Variants in RBFOX1 observed in about 807,000 individuals in gnomAD.
RBFOX1 encodes RNA binding protein fox-1 homolog 1.
Under a neutral mutation model 57.7 loss-of-function variants are expected in RBFOX1, and 8 were observed. That is an observed-to-expected ratio of 0.14 (90% CI 0.08 to 0.25). The LOEUF (loss-of-function observed/expected upper bound fraction) is 0.25. RBFOX1 is among the 10% of genes least tolerant of loss of function. The pLI, the probability that RBFOX1 is intolerant of heterozygous loss-of-function variation, is 1.00. For synonymous variants in RBFOX1, 326 were observed against 222.4 expected (o/e 1.47, Z -4.15); for missense variants, 611 against 548.5 (o/e 1.11, Z -1.14).
intron 4 of RBFOX1, among the ~76,000 whole-genome samples, chr16:7,427,654 AT>A (rs1028298414): frequency 7.3e-6 from 1 of 137,592 alleles, no homozygotes; most frequent in Non-Finnish European, 1.6e-5. Flanking sequence ...TTATTTATTT[AT>A]TTTTTTTGAG....
intron 3 of RBFOX1, among the ~76,000 whole-genome samples, chr16:6,791,681 C>T (rs2082978933): frequency 6.6e-6 from 1 of 152,080 alleles, no homozygotes; most frequent in Non-Finnish European, 1.5e-5. Context: ...ATTGCTTGAA[C>T]CTGGGAGGCA....
intron 4 of RBFOX1, among the ~76,000 whole-genome samples, chr16:7,110,474 C>A (rs548909434): frequency 6.6e-6 from 1 of 152,148 alleles, no homozygotes; most frequent in South Asian, 2.1e-4. Context: ...CCAATTAACA[C>A]AGGGCTCCGG....
chr16:6,847,374 T>G (rs1268181438), intron 3 of RBFOX1, among the ~76,000 whole-genome samples: 1 of 152,152 alleles, frequency 6.6e-6, no homozygotes, highest in Non-Finnish European at 1.5e-5. Flanking sequence ...CAATCTGCCC[T>G]ATGTGTGCAC....
chr16:6,226,029 G>A (rs573761181), intron 1 of RBFOX1, among the ~76,000 whole-genome samples: 1 of 152,030 alleles, frequency 6.6e-6, no homozygotes, highest in Non-Finnish European at 1.5e-5. Context: ...CATTCCTGCA[G>A]TTCCTTTCCA....
At chr16:6,907,143 C>T (rs1484767199) in intron 3 of RBFOX1, among the ~76,000 whole-genome samples, 1 of 152,192 alleles carries the variant, frequency 6.6e-6, no homozygotes, top group Non-Finnish European at 1.5e-5. Flanking sequence ...TATCTGTAGA[C>T]ATTTCTGTGT....
intron 5 of RBFOX1, among the ~76,000 whole-genome samples, chr16:7,571,923 G>A (rs552901320): frequency 8.5e-5 from 13 of 152,308 alleles, no homozygotes; most frequent in African/African-American, 2.9e-4. Flanking sequence ...GAGGTCAGGA[G>A]TTTGAGACCA....
chr16:5,453,041 A>G (rs2068476220), intron 1 of RBFOX1, among the ~76,000 whole-genome samples: 1 of 152,026 alleles, frequency 6.6e-6, no homozygotes, highest in Admixed American at 6.6e-5. Flanking sequence ...GACTCTGTTT[A>G]CCTCTCTTAC....
chr16:5,716,851 A>G (rs1050207722), intron 3 of RBFOX1, among the ~76,000 whole-genome samples: 1 of 152,228 alleles, frequency 6.6e-6, no homozygotes, highest in Non-Finnish European at 1.5e-5. Flanking sequence ...CAGATTTTGG[A>G]TGCAAACCCA....
intron 3 of RBFOX1, among the ~76,000 whole-genome samples, chr16:5,712,589 C>G (rs2215247): frequency 0.71 from 108,463 of 152,038 alleles, 39,658 homozygotes; most frequent in Non-Finnish European, 0.81. Flanking sequence ...CACTTAATTC[C>G]CATAACAGGT....
chr16:6,218,773 G>A (rs550622279), intron 1 of RBFOX1, among the ~76,000 whole-genome samples: 11 of 151,598 alleles, frequency 7.3e-5, no homozygotes, highest in East Asian at 3.9e-4. Flanking sequence ...TCCTTCTTCA[G>A]ATATTTTATC....
At chr16:6,715,402 A>G (rs1473401067) in intron 3 of RBFOX1, among the ~76,000 whole-genome samples, 1 of 152,182 alleles carries the variant, frequency 6.6e-6, no homozygotes, top group African/African-American at 2.4e-5. Context: ...TGCATTATAA[A>G]TATGTGATGC....
At chr16:7,558,442 A>T (rs1450818910) in intron 5 of RBFOX1, among the ~76,000 whole-genome samples, 1 of 152,144 alleles carries the variant, frequency 6.6e-6, no homozygotes, top group Non-Finnish European at 1.5e-5. Context: ...CTGTATGTAT[A>T]TATCAATATG....
At chr16:7,262,470 A>G (rs72481062) in intron 4 of RBFOX1, among the ~76,000 whole-genome samples, 5,567 of 152,330 alleles carry the variant, frequency 0.037, 172 homozygotes, top group East Asian at 0.13. Context: ...ATAGATGTGG[A>G]TCTATGTATT....
intron 1 of RBFOX1, among the ~76,000 whole-genome samples, chr16:5,336,915 G>A (rs1443046160): frequency 6.6e-6 from 1 of 152,192 alleles, no homozygotes; most frequent in Non-Finnish European, 1.5e-5. Context: ...GGACACAAGA[G>A]CTACCTTCTA....
chr16:6,466,708 C>G (rs756514370), intron 2 of RBFOX1, among the ~76,000 whole-genome samples: 1 of 152,096 alleles, frequency 6.6e-6, no homozygotes, highest in Non-Finnish European at 1.5e-5. Context: ...AATCATGTTT[C>G]TAAGGTATTT....
chr16:7,416,237 T>G (rs940291891), intron 4 of RBFOX1, among the ~76,000 whole-genome samples: 2 of 152,188 alleles, frequency 1.3e-5, no homozygotes, highest in Non-Finnish European at 2.9e-5. Context: ...GAAACAGATA[T>G]TATTTCTCCC....
At chr16:6,194,482 A>G (rs2097167128) in intron 1 of RBFOX1, among the ~76,000 whole-genome samples, 1 of 152,142 alleles carries the variant, frequency 6.6e-6, no homozygotes, top group Non-Finnish European at 1.5e-5. Flanking sequence ...CTCTCTTTCA[A>G]GAACAGCCTA....
intron 2 of RBFOX1, among the ~76,000 whole-genome samples, chr16:6,369,754 A>G (rs760379620): frequency 2.0e-5 from 3 of 152,196 alleles, no homozygotes; most frequent in Non-Finnish European, 4.4e-5. Flanking sequence ...TACCTATCTT[A>G]GTGTCAGTTC....
chr16:7,043,329 G>C (rs1156328928), intron 3 of RBFOX1, among the ~76,000 whole-genome samples: 2 of 151,994 alleles, frequency 1.3e-5, no homozygotes, highest in African/African-American at 2.4e-5. Context: ...CTCCTCCCCT[G>C]TCTTTTTTAA....
Sources: allele counts gnomAD v4.1 joint callset (sites outside exome capture counted in the v4.1 genomes callset), GRCh38; gene constraint gnomAD v4.1.1; transcripts MANE v1.5; gene names NCBI Gene and HGNC (gene_info 2026-07-23, HGNC 2026-07-21).